Variants in KIF6 observed in about 807,000 individuals in gnomAD.
KIF6 encodes kinesin family member 6.
Under a neutral mutation model 112.7 loss-of-function variants are expected in KIF6, and 106 were observed. The ratio of observed to expected loss-of-function variants is 0.94; its 90% confidence interval spans 0.80 to 1.11. The LOEUF is 1.11. Among genes scored for constraint, KIF6 ranks in the 50% least tolerant of loss-of-function variants. KIF6 has a pLI of 0.00. For missense variants in KIF6, 929 were observed against 964.0 expected (o/e 0.96, Z 0.48); for synonymous variants, 339 against 339.9 (o/e 1.00, Z 0.03).
At chr6:39,422,932 A>G (rs1274826288) in intron 14 of KIF6, among the ~76,000 whole-genome samples, 2 of 152,214 alleles carry the variant, frequency 1.3e-5, no homozygotes, top group African/African-American at 4.8e-5. Context: ...CCTGTACGAT[A>G]TCCTAAGGTG....
chr6:39,657,369 T>C (rs1229806278), intron 3 of KIF6, among the ~76,000 whole-genome samples: 8 of 151,792 alleles, frequency 5.3e-5, no homozygotes, highest in Admixed American at 4.6e-4. Context: ...GGAAGAGAAG[T>C]GTAGAGAGAT....
chr6:39,536,693 G>A lies in KIF6; in HGVS notation c.1645+3310C>T, dbSNP rs1039095209. On this transcript the variant is annotated intron_variant, in intron 13 of 22. Coordinates refer to ENST00000287152, the MANE Select transcript of KIF6 (RefSeq NM_145027.6). ...CTATTCCAATCAATAGAAAAAGAGG[G>A]AATCCTCCCTAACTCATTTTATGAG... Among the ~76,000 whole-genome samples, 8 of 150,812 alleles carry A rather than the reference G, an allele frequency of 5.3e-5. No homozygotes were observed. In the South Asian group the frequency reaches 8.3e-4, roughly 16 times the overall value.
At chr6:39,594,791 C>T (rs954975174) in intron 7 of KIF6, among the ~76,000 whole-genome samples, 5 of 152,296 alleles carry the variant, frequency 3.3e-5, no homozygotes, top group African/African-American at 7.2e-5. Context: ...TTCTGCCTCA[C>T]AAGACTCTGT....
chr6:39,440,531 G>T (rs951251548), intron 13 of KIF6, among the ~76,000 whole-genome samples: 3 of 152,086 alleles, frequency 2.0e-5, no homozygotes, highest in African/African-American at 7.2e-5. Flanking sequence ...AATTAGAAGA[G>T]AATTCCATTT....
chr6:39,642,840 C>CT (rs1208881862), intron 3 of KIF6, among the ~76,000 whole-genome samples: 1 of 152,124 alleles, frequency 6.6e-6, no homozygotes, highest in Non-Finnish European at 1.5e-5. Context: ...TAACTCACCT[C>CT]TGGCTGGCCT....
chr6:39,550,119 T>C (rs1167599839), intron 10 of KIF6, among the ~76,000 whole-genome samples: 1 of 152,230 alleles, frequency 6.6e-6, no homozygotes, highest in African/African-American at 2.4e-5. Flanking sequence ...TTTATGATTA[T>C]GTTATGTTTA....
intron 12 of KIF6, among the ~76,000 whole-genome samples, chr6:39,541,116 T>C (rs1778760650): frequency 6.6e-6 from 1 of 152,162 alleles, no homozygotes; most frequent in Non-Finnish European, 1.5e-5. Flanking sequence ...CTAAATGTGG[T>C]ATGTGTCCTA....
At chr6:39,512,839 C>T (rs576376497) in intron 13 of KIF6, among the ~76,000 whole-genome samples, 15 of 152,224 alleles carry the variant, frequency 9.9e-5, no homozygotes, top group East Asian at 3.9e-4. Context: ...TATATGAATT[C>T]GAATGCTCCC....
intron 13 of KIF6, among the ~76,000 whole-genome samples, chr6:39,443,752 T>C (rs1394366834): frequency 1.3e-5 from 2 of 152,122 alleles, no homozygotes; most frequent in South Asian, 2.1e-4. Flanking sequence ...TCAATTTTCA[T>C]ACATTTTAAA....
intron 15 of KIF6, among the ~76,000 whole-genome samples, chr6:39,419,284 G>A (rs1770165767): frequency 6.6e-6 from 1 of 150,974 alleles, no homozygotes; most frequent in African/African-American, 2.4e-5. Flanking sequence ...AACCTGGGAG[G>A]TGGAGGTTGC....
intron 19 of KIF6, among the ~76,000 whole-genome samples, chr6:39,350,745 A>G (rs1331254226): frequency 6.6e-6 from 1 of 152,152 alleles, no homozygotes; most frequent in African/African-American, 2.4e-5. Flanking sequence ...AGCAAGTGGC[A>G]AGGATTTCTT....
intron 13 of KIF6, among the ~76,000 whole-genome samples, chr6:39,447,040 G>A (rs772085434): frequency 5.9e-5 from 9 of 152,108 alleles, no homozygotes; most frequent in Non-Finnish European, 8.8e-5. Flanking sequence ...AATCTGTTAC[G>A]AGTGAAAGAA....
chr6:39,710,241 C>T (rs193200206), intron 3 of KIF6, among the ~76,000 whole-genome samples: 144 of 152,262 alleles, frequency 9.5e-4, no homozygotes, highest in Non-Finnish European at 1.8e-3. Context: ...GAGGGCCTCA[C>T]GCCTAGCAAA....
At chr6:39,685,331 G>A (rs1449524168) in intron 3 of KIF6, among the ~76,000 whole-genome samples, 1 of 152,212 alleles carries the variant, frequency 6.6e-6, no homozygotes, top group Non-Finnish European at 1.5e-5. Flanking sequence ...TAACAGGAGG[G>A]AGGCCAAGGA....
intron 3 of KIF6, among the ~76,000 whole-genome samples, chr6:39,649,006 A>AC (rs1785322758): frequency 6.6e-6 from 1 of 151,824 alleles, no homozygotes; most frequent in African/African-American, 2.4e-5. Context: ...CCAAAAAAAA[A>AC]AAAAAAAATT....
chr6:39,648,139 T>C (rs997244270), intron 3 of KIF6, among the ~76,000 whole-genome samples: 1 of 147,240 alleles, frequency 6.8e-6, no homozygotes, highest in Non-Finnish European at 1.5e-5. Flanking sequence ...TTCTCCTGCC[T>C]CAGCCTCCCG....
At chr6:39,715,628 C>T (rs772938259) in intron 2 of KIF6, among the ~76,000 whole-genome samples, 5 of 151,718 alleles carry the variant, frequency 3.3e-5, no homozygotes, top group African/African-American at 4.8e-5. Flanking sequence ...CTCAGCCTCC[C>T]GAGTAGCTGG....
intron 13 of KIF6, among the ~76,000 whole-genome samples, chr6:39,491,773 T>A (rs1358088828): frequency 6.6e-6 from 1 of 152,168 alleles, no homozygotes; most frequent in African/African-American, 2.4e-5. Context: ...GGAAGGAAAC[T>A]CTTTTTATGT....
intron 19 of KIF6, among the ~76,000 whole-genome samples, chr6:39,350,452 C>T (rs1333678825): frequency 6.6e-6 from 1 of 152,116 alleles, no homozygotes. Flanking sequence ...CTCTCTGAGC[C>T]TGAATTTTTT....
Sources: allele counts gnomAD v4.1 joint callset (sites outside exome capture counted in the v4.1 genomes callset), GRCh38; gene constraint gnomAD v4.1.1; transcripts MANE v1.5; gene names NCBI Gene and HGNC (gene_info 2026-07-23, HGNC 2026-07-21).